MEGF11: variants seen among roughly 807,000 people sequenced by gnomAD.
MEGF11 encodes the protein multiple epidermal growth factor-like domains protein 11.
MEGF11 carries 126 observed loss-of-function variants against 146.6 expected under a neutral mutation model. The observed-to-expected ratio is 0.86, with a 90% CI of 0.74 to 1.00. The LOEUF is 1.00. Ranked by LOEUF, MEGF11 falls within the 50% of genes least tolerant of loss-of-function variation. The probability of loss-of-function intolerance (pLI) is 0.00; values close to 1 mark genes in which losing one functional copy is unlikely to be tolerated. For synonymous variants in MEGF11, 532 were observed against 583.4 expected, an observed-to-expected ratio of 0.91 and a Z score of 1.27; for missense variants, 1,509 against 1,521.2, an observed-to-expected ratio of 0.99 and a Z score of 0.13.
intron 10 of MEGF11, among the ~76,000 whole-genome samples, chr15:65,943,741 A>T (rs1455488719): frequency 6.6e-6 from 1 of 152,208 alleles, no homozygotes; most frequent in Non-Finnish European, 1.5e-5. Flanking sequence ...TGCATGTCAG[A>T]CATCTGGGCT....
intron 1 of MEGF11, among the ~76,000 whole-genome samples, chr15:66,136,173 AAC>A (rs2088876674): frequency 6.6e-6 from 1 of 152,222 alleles, no homozygotes; most frequent in South Asian, 2.1e-4. Context: ...GTGAGAGAAC[AAC>A]AGTTTCTTGT....
intron 1 of MEGF11, among the ~76,000 whole-genome samples, chr15:66,168,656 G>A (rs979165962): frequency 2.6e-5 from 4 of 152,170 alleles, no homozygotes; most frequent in Non-Finnish European, 5.9e-5. Context: ...TACCATTTTG[G>A]ATATAACAGG....
At chr15:66,110,093 C>T (rs1269524511) in intron 4 of MEGF11, among the ~76,000 whole-genome samples, 4 of 152,104 alleles carry the variant, frequency 2.6e-5, no homozygotes, top group Non-Finnish European at 5.9e-5. Flanking sequence ...GTGTGGCTCC[C>T]AAACAGGCGG....
chr15:66,221,785 G>A lies in MEGF11; in HGVS notation c.-9+31820C>T, dbSNP rs150396505. Among the ~76,000 whole-genome samples the A allele has an allele frequency of 2.5e-3, 387 of 152,080 alleles. 3 individuals are homozygous for A. Among genetic ancestry groups the A allele is most frequent in the African/African-American group, 8.6e-3 (356 of 41,466 alleles). ...AACCCCCTGAGAATTAAACTTTGGG[G>A]TAAAATTCCACTTTTAAGTTGAGAC... is the stretch of plus-strand genomic sequence containing the variant. On this transcript the variant is annotated intron_variant, in intron 1 of 25. Coordinates refer to ENST00000395614, the MANE Select transcript of MEGF11 (RefSeq NM_001385028.1).
chr15:66,126,390 C>T (rs2088348318), intron 2 of MEGF11, among the ~76,000 whole-genome samples: 1 of 152,356 alleles, frequency 6.6e-6, no homozygotes, highest in African/African-American at 2.4e-5. Flanking sequence ...TTAGGTTTCA[C>T]TCCTTGTCTT....
In MEGF11 at chr15:66,159,231, T is replaced by G. The variant is rs572538369; in HGVS notation, c.-8-30820A>C. 3.9e-5 allele frequency among the ~76,000 whole-genome samples: 6 copies of G among 152,336 alleles called. 1 individual carries two copies. The South Asian group carries it at 1.2e-3, about 32-fold the overall frequency. ...GTTTAAGAAATTTGCTTGAAGTCCA[T>G]GTAGTAGAACTCACACAATGCCCAG... On this transcript the variant is annotated intron_variant, in intron 1 of 25. Transcript: ENST00000395614.
At chr15:66,053,714 A>AT (rs2084549697) in intron 5 of MEGF11, among the ~76,000 whole-genome samples, 1,345 of 42,280 alleles carry the variant, frequency 0.032, 382 homozygotes, top group Admixed American at 0.035. Flanking sequence ...CCCTGGCACC[A>AT]ATTTTTTTTT....
At chr15:66,207,219 G>T (rs1262135840) in intron 1 of MEGF11, among the ~76,000 whole-genome samples, 1 of 146,698 alleles carries the variant, frequency 6.8e-6, no homozygotes, top group Non-Finnish European at 1.5e-5. Flanking sequence ...ATTCCAAGTA[G>T]GATAATCACA....
chr15:65,914,009 CCTT>C (rs770350014), intron 19 of MEGF11, 36 bp from the exon 20 acceptor site: 7 of 1,556,130 alleles, frequency 4.5e-6, no homozygotes, highest in African/African-American at 2.7e-5. Context: ...CTGGGGCTGG[CCTT>C]CTTGCGCTTC....
chr15:65,945,270 G>A (rs774927390), intron 10 of MEGF11, among the ~76,000 whole-genome samples: 11 of 152,186 alleles, frequency 7.2e-5, no homozygotes, highest in Admixed American at 2.6e-4. Flanking sequence ...CTCACAGAGT[G>A]CCTCACCACA....
chr15:66,103,076 A>C (rs919533564), intron 4 of MEGF11, among the ~76,000 whole-genome samples: 1 of 152,224 alleles, frequency 6.6e-6, no homozygotes, highest in African/African-American at 2.4e-5. Context: ...CCCCAGACCA[A>C]GTTCCATCCC....
chr15:65,993,331 T>C (rs1288743820), intron 5 of MEGF11, among the ~76,000 whole-genome samples: 1 of 152,170 alleles, frequency 6.6e-6, no homozygotes, highest in Non-Finnish European at 1.5e-5. Context: ...GAAAGCTATC[T>C]GTCCTTAGCT....
intron 9 of MEGF11, 32 bp from the exon 10 acceptor site, chr15:65,957,753 C>G (rs960841647): frequency 5.6e-6 from 9 of 1,609,338 alleles, no homozygotes; most frequent in South Asian, 5.5e-5. Context: ...GAGAAGACAG[C>G]TTGTTCTGGG....
At chr15:66,167,824 A>G (rs2090141781) in intron 1 of MEGF11, among the ~76,000 whole-genome samples, 1 of 152,212 alleles carries the variant, frequency 6.6e-6, no homozygotes, top group South Asian at 2.1e-4. Flanking sequence ...AACATGGGTA[A>G]GTTTTAACCA....
chr15:65,976,918 C>T (rs1317367776), intron 7 of MEGF11, among the ~76,000 whole-genome samples: 1 of 152,086 alleles, frequency 6.6e-6, no homozygotes, highest in African/African-American at 2.4e-5. Context: ...ATTTGGGAGG[C>T]CCGTAATCCC....
chr15:66,141,387 T>C (rs2089162903), intron 1 of MEGF11, among the ~76,000 whole-genome samples: 1 of 151,540 alleles, frequency 6.6e-6, no homozygotes, highest in Admixed American at 6.6e-5. Context: ...AGGATGTTAA[T>C]GCTATTGTGA....
At chr15:66,112,055 G>A (rs182741387) in intron 4 of MEGF11, among the ~76,000 whole-genome samples, 35 of 149,482 alleles carry the variant, frequency 2.3e-4, no homozygotes, top group Middle Eastern at 3.5e-3. Context: ...GCATAAGGGA[G>A]GGAAGAAAGG....
intron 5 of MEGF11, among the ~76,000 whole-genome samples, chr15:66,073,080 T>C (rs1383155376): frequency 6.6e-6 from 1 of 152,178 alleles, no homozygotes; most frequent in East Asian, 1.9e-4. Context: ...GGGGCTGGCC[T>C]CCTAGCAAGA....
In MEGF11 at chr15:66,118,279, C is replaced by T. The variant is rs929903243; in HGVS notation, c.301+807G>A. On this transcript the variant is annotated intron_variant, in intron 4 of 25. Coordinates refer to ENST00000395614, the MANE Select transcript of MEGF11 (RefSeq NM_001385028.1). ...CCCTTAGAACCCAACAGGGACCCTA[C>T]GATCATCCTCCCAGAGAGATTAAGT... 3.9e-5 allele frequency among the ~76,000 whole-genome samples: 6 copies of T among 152,002 alleles called. No homozygotes were observed. The East Asian group carries it at 9.7e-4, about 25-fold the overall frequency.
Sources: allele counts gnomAD v4.1 joint callset (sites outside exome capture counted in the v4.1 genomes callset), GRCh38; gene constraint gnomAD v4.1.1; transcripts MANE v1.5; gene names NCBI Gene and HGNC (gene_info 2026-07-23, HGNC 2026-07-21).